Variants in GPC5 observed in about 807,000 individuals in gnomAD.
GPC5 encodes glypican-5.
A neutral mutation model predicts 53.9 loss-of-function variants in GPC5; 47 were observed. The ratio of observed to expected loss-of-function variants is 0.87; its 90% confidence interval spans 0.69 to 1.11. The LOEUF (loss-of-function observed/expected upper bound fraction) is 1.11, where lower values mean the gene tolerates loss of function less well. GPC5 is among the 50% of genes most tolerant of loss of function. The probability of loss-of-function intolerance (pLI) is 0.00; values close to 1 mark genes in which losing one functional copy is unlikely to be tolerated. For missense variants in GPC5, 748 were observed against 713.1 expected, an observed-to-expected ratio of 1.05 and a Z score of -0.56; for synonymous variants, 286 against 263.3, an observed-to-expected ratio of 1.09 and a Z score of -0.84.
At chr13:92,195,256 T>TTGA (rs771642428) in intron 7 of GPC5, among the ~76,000 whole-genome samples, 2 of 152,280 alleles carry the variant, frequency 1.3e-5, no homozygotes, top group Admixed American at 6.5e-5. Flanking sequence ...CAGTGATACA[T>TTGA]ATGTGCAGTG....
At chr13:91,594,030 T>G (rs1434326574) in intron 2 of GPC5, among the ~76,000 whole-genome samples, 2 of 152,182 alleles carry the variant, frequency 1.3e-5, no homozygotes, top group African/African-American at 4.8e-5. Context: ...TAATTACCTA[T>G]CCCATCTTTT....
chr13:92,607,490 G>C (rs1468553026), intron 7 of GPC5, among the ~76,000 whole-genome samples: 1 of 151,916 alleles, frequency 6.6e-6, no homozygotes, highest in Non-Finnish European at 1.5e-5. Flanking sequence ...TTCAATCTCA[G>C]ACATAAAAAT....
At chr13:91,435,997 G>A (rs1879911335) in intron 1 of GPC5, among the ~76,000 whole-genome samples, 1 of 152,194 alleles carries the variant, frequency 6.6e-6, no homozygotes, top group Admixed American at 6.5e-5. Flanking sequence ...AGTATTCTCT[G>A]ATGGTAGTTT....
intron 7 of GPC5, among the ~76,000 whole-genome samples, chr13:92,262,450 T>C (rs1028723520): frequency 6.6e-6 from 1 of 152,194 alleles, no homozygotes; most frequent in Non-Finnish European, 1.5e-5. Flanking sequence ...ATAAAGAAAA[T>C]AGATGTGCCA....
At chr13:92,666,694 C>A (rs114794334) in intron 7 of GPC5, among the ~76,000 whole-genome samples, 3 of 152,162 alleles carry the variant, frequency 2.0e-5, no homozygotes, top group Non-Finnish European at 2.9e-5. Context: ...GAAGGGAGAA[C>A]ATTAGTGCTC....
intron 7 of GPC5, among the ~76,000 whole-genome samples, chr13:92,760,404 G>A (rs1314001462): frequency 6.6e-6 from 1 of 151,968 alleles, no homozygotes; most frequent in Non-Finnish European, 1.5e-5. Flanking sequence ...AACCTTGTTA[G>A]ATTGTATTTT....
At chr13:91,837,978 C>T (rs2038741211) in intron 5 of GPC5, among the ~76,000 whole-genome samples, 1 of 152,010 alleles carries the variant, frequency 6.6e-6, no homozygotes, top group South Asian at 2.1e-4. Flanking sequence ...AGCAGAGCAG[C>T]AGATGTCGTA....
At chr13:92,041,147 C>G (rs192852433) in intron 6 of GPC5, among the ~76,000 whole-genome samples, 4 of 152,166 alleles carry the variant, frequency 2.6e-5, no homozygotes, top group African/African-American at 9.7e-5. Context: ...CCACCACACC[C>G]GACTTTAACT....
intron 7 of GPC5, among the ~76,000 whole-genome samples, chr13:92,758,994 G>GT (rs68182839): frequency 0.058 from 4,110 of 70,394 alleles, 153 homozygotes; most frequent in Middle Eastern, 0.12. Flanking sequence ...TCCCATTGCG[G>GT]TTTTTTTTTT....
At chr13:91,547,788 G>A (rs2030381592) in intron 2 of GPC5, among the ~76,000 whole-genome samples, 1 of 151,924 alleles carries the variant, frequency 6.6e-6, no homozygotes, top group East Asian at 1.9e-4. Flanking sequence ...TAACCAAGTG[G>A]GATTTATCTC....
intron 5 of GPC5, among the ~76,000 whole-genome samples, chr13:91,791,208 G>C (rs1227635034): frequency 2.0e-5 from 3 of 152,194 alleles, no homozygotes; most frequent in Non-Finnish European, 2.9e-5. Context: ...AAAGAGAAGA[G>C]ATAGCATTAG....
chr13:92,470,564 A>G (rs1878871008), intron 7 of GPC5, among the ~76,000 whole-genome samples: 1 of 152,128 alleles, frequency 6.6e-6, no homozygotes, highest in African/African-American at 2.4e-5. Flanking sequence ...GCAAACTATA[A>G]TAAGAAAGCA....
At chr13:91,419,226 G>C (rs1441632343) in intron 1 of GPC5, among the ~76,000 whole-genome samples, 2 of 151,964 alleles carry the variant, frequency 1.3e-5, no homozygotes, top group Non-Finnish European at 1.5e-5. Context: ...TTATATTCTA[G>C]CTCTTTTGAT....
At chr13:91,919,780 T>C (rs911505150) in intron 6 of GPC5, among the ~76,000 whole-genome samples, 6 of 151,974 alleles carry the variant, frequency 3.9e-5, no homozygotes, top group Non-Finnish European at 5.9e-5. Flanking sequence ...CCAGCCAGAA[T>C]AGAGGGCAGA....
intron 1 of GPC5, among the ~76,000 whole-genome samples, chr13:91,422,772 A>G (rs968951093): frequency 6.6e-6 from 1 of 152,198 alleles, no homozygotes; most frequent in Admixed American, 6.5e-5. Flanking sequence ...ATCACATAAC[A>G]AGAGGATTCA....
rs547739853 is a variant in GPC5 at position 91,660,053 on chromosome 13, G to C, written c.326-33134G>C. ...GGTTGTTAGAGGCTGTTGGCATGGGGAAACTGTCAAAAGAATAAATAGAAG... is the reference window on the plus strand; with the variant it reads ...GGTTGTTAGAGGCTGTTGGCATGGGCAAACTGTCAAAAGAATAAATAGAAG... On this transcript the variant is annotated intron_variant, in intron 2 of 7. Coordinates refer to ENST00000377067, the MANE Select transcript of GPC5 (RefSeq NM_004466.6). Among the ~76,000 whole-genome samples the C allele has an allele frequency of 6.6e-5, 10 of 152,314 alleles. No homozygotes were observed. The South Asian group carries it at 8.3e-4, about 13-fold the overall frequency.
chr13:92,210,331 C>T (rs1401265885), intron 7 of GPC5, among the ~76,000 whole-genome samples: 1 of 152,122 alleles, frequency 6.6e-6, no homozygotes, highest in African/African-American at 2.4e-5. Context: ...TACTAAATGA[C>T]TCAAAATGTT....
intron 2 of GPC5, among the ~76,000 whole-genome samples, chr13:91,607,556 G>A (rs1040496304): frequency 5.3e-5 from 8 of 152,232 alleles, no homozygotes; most frequent in African/African-American, 1.9e-4. Context: ...TTGGATTGAG[G>A]AATAAATGGA....
chr13:91,836,549 G>A (rs546721154), intron 5 of GPC5, among the ~76,000 whole-genome samples: 4 of 152,010 alleles, frequency 2.6e-5, no homozygotes, highest in African/African-American at 9.7e-5. Flanking sequence ...TTTGATAAAA[G>A]TGTATTGATA....
Sources: gnomAD v4.1 joint callset for allele counts (sites outside exome capture counted in the v4.1 genomes callset) on GRCh38, gnomAD v4.1.1 for gene constraint, MANE v1.5 for transcripts, NCBI Gene and HGNC (gene_info 2026-07-23, HGNC 2026-07-21) for gene names.